Variants in FARSB observed in about 807,000 individuals in gnomAD.
The protein encoded by FARSB is phenylalanine--tRNA ligase beta subunit.
Under a neutral mutation model 69.6 loss-of-function variants are expected in FARSB, and 40 were observed. The observed-to-expected ratio is 0.57, with a 90% confidence interval of 0.45 to 0.75. The LOEUF is 0.75. Among genes scored for constraint, FARSB ranks in the 30% least tolerant of loss-of-function variants. FARSB has a pLI of 0.00. For missense variants in FARSB, 632 were observed against 722.9 expected, an observed-to-expected ratio of 0.87 and a Z score of 1.44; for synonymous variants, 235 against 247.2, an observed-to-expected ratio of 0.95 and a Z score of 0.46.
chr2:222,594,761 T>C (rs1359619432), intron 16 of FARSB, among the ~76,000 whole-genome samples: 2 of 152,194 alleles, frequency 1.3e-5, no homozygotes, highest in East Asian at 3.8e-4. Flanking sequence ...CTACAAGTAC[T>C]AAAGTATCAC....
At chr2:222,582,489 G>A (rs920713754) in intron 16 of FARSB, among the ~76,000 whole-genome samples, 6 of 152,232 alleles carry the variant, frequency 3.9e-5, no homozygotes, top group Middle Eastern at 3.4e-3. Flanking sequence ...TTCTCTCTAC[G>A]TCCCTTATTT....
At chr2:222,589,390 G>C (rs1690204425) in intron 16 of FARSB, among the ~76,000 whole-genome samples, 1 of 152,064 alleles carries the variant, frequency 6.6e-6, no homozygotes, top group African/African-American at 2.4e-5. Flanking sequence ...TTAAATGTTA[G>C]ACCTAAAACC....
In FARSB at chr2:222,623,739, A is replaced by T. The variant is rs1485722987; in HGVS notation, c.1171-9T>A. ...AGCTTATTAAGAGGAAACTGAAAAAAAAAGCATCCACTTGATTTCACCGCA... is the reference window on the plus strand; with the variant it reads ...AGCTTATTAAGAGGAAACTGAAAAATAAAGCATCCACTTGATTTCACCGCA... On this transcript the variant is annotated splice_polypyrimidine_tract_variant and intron_variant, in intron 12 of 16. Coordinates refer to ENST00000281828, the MANE Select transcript of FARSB (RefSeq NM_005687.5). The T allele has an allele frequency of 6.3e-7, 1 of 1,575,946 alleles. No individual in the cohort carries two copies. The highest frequency in any genetic ancestry group is 8.7e-7 in the Non-Finnish European group (1 of 1,147,436).
chr2:222,630,112 C>G lies in FARSB; in HGVS notation c.848+1G>C, dbSNP rs777071414. On this transcript the variant is annotated splice_donor_variant, in intron 9 of 16. Coordinates refer to ENST00000281828, the MANE Select transcript of FARSB (RefSeq NM_005687.5). LOFTEE classifies it high-confidence loss of function. Reference sequence around the variant, plus strand: ...TCAATAAAGGTGCTGGATGAACTTACGTAAATTGATTCTCACAATATTCAC... The same window carrying G: ...TCAATAAAGGTGCTGGATGAACTTAGGTAAATTGATTCTCACAATATTCAC... The G allele has an allele frequency of 1.3e-6, 2 of 1,537,832 alleles. No individual in the cohort carries two copies. The highest frequency in any genetic ancestry group is 1.4e-5 in the African/African-American group (1 of 71,402).
At chr2:222,631,339 A>T (rs1230066120) in intron 8 of FARSB, among the ~76,000 whole-genome samples, 1 of 152,150 alleles carries the variant, frequency 6.6e-6, no homozygotes, top group African/African-American at 2.4e-5. Flanking sequence ...TCCCCCTAGG[A>T]GTTCTTTGAA....
At chr2:222,605,542 C>T (rs960879632) in intron 15 of FARSB, among the ~76,000 whole-genome samples, 1 of 152,088 alleles carries the variant, frequency 6.6e-6, no homozygotes, top group African/African-American at 2.4e-5. Context: ...ATATGAGCAG[C>T]AATATCTGGA....
intron 14 of FARSB, 151 bp downstream of exon 14, chr2:222,619,494 C>T (rs530845532): frequency 7.2e-6 from 4 of 553,598 alleles, no homozygotes; most frequent in Middle Eastern, 4.8e-4. Context: ...CAGCAAAGCA[C>T]GTAATAACCA....
At chr2:222,634,292 T>C in intron 6 of FARSB, 99 bp downstream of exon 6, 1 of 823,660 alleles carries the variant, frequency 1.2e-6, no homozygotes, top group Non-Finnish European at 1.8e-6. Flanking sequence ...ACTGCTATTT[T>C]TTAAAAGTAT....
At chr2:222,630,383 T>A (rs1030438254) in intron 8 of FARSB, among the ~76,000 whole-genome samples, 1 of 152,196 alleles carries the variant, frequency 6.6e-6, no homozygotes, top group African/African-American at 2.4e-5. Context: ...ACAGTTATAA[T>A]CCATGACTGA....
intron 8 of FARSB, 65 bp from the exon 9 acceptor site, chr2:222,630,239 G>T: frequency 1.2e-6 from 1 of 800,056 alleles, no homozygotes. Flanking sequence ...AGATGGAAAT[G>T]AATTAATATT....
chr2:222,639,537 G>A (rs765415121), intron 5 of FARSB, 43 bp downstream of exon 5: 29 of 899,446 alleles, frequency 3.2e-5, no homozygotes, highest in Non-Finnish European at 4.8e-5. Flanking sequence ...GGGAGACAAA[G>A]GGAAAGGGGA....
chr2:222,635,542 G>T (rs1475374055), intron 5 of FARSB, among the ~76,000 whole-genome samples: 1 of 152,186 alleles, frequency 6.6e-6, no homozygotes, highest in African/African-American at 2.4e-5. Flanking sequence ...GATAAAATAT[G>T]CATGGTTTGA....
intron 16 of FARSB, among the ~76,000 whole-genome samples, chr2:222,586,744 T>C (rs1690124797): frequency 6.6e-6 from 1 of 151,936 alleles, no homozygotes; most frequent in Non-Finnish European, 1.5e-5. Context: ...AACCAAAAGA[T>C]CAAAAGAGAC....
At position 222,628,721 on chromosome 2, in the gene FARSB, G is replaced by T. The variant is rs34167083; in HGVS notation, c.900+116C>A. ...ATCCATGTAATGCACATAGTGTAGCGCCTGGCACACGGGTGGGTAGGTAGG... is the reference window on the plus strand; with the variant it reads ...ATCCATGTAATGCACATAGTGTAGCTCCTGGCACACGGGTGGGTAGGTAGG... On this transcript the variant is annotated intron_variant, in intron 10 of 16. Transcript: ENST00000281828. 1.7e-5 allele frequency: 12 copies of T among 696,644 alleles called. No individual in the cohort carries two copies. In the East Asian group the frequency reaches 3.1e-4, roughly 18 times the overall value. The allele number at this position is 696,644 out of a possible 1,614,324, so 43.2% of individuals were successfully genotyped here.
chr2:222,574,291 T>C (rs1689784050), intron 16 of FARSB, among the ~76,000 whole-genome samples: 1 of 152,204 alleles, frequency 6.6e-6, no homozygotes, highest in Admixed American at 6.5e-5. Flanking sequence ...AATATTTGTG[T>C]CACTAAGTAT....
chr2:222,591,801 T>C (rs1449078286), intron 16 of FARSB, among the ~76,000 whole-genome samples: 1 of 152,088 alleles, frequency 6.6e-6, no homozygotes, highest in Non-Finnish European at 1.5e-5. Flanking sequence ...CAAATGCAAA[T>C]GCAAACTGGA....
At chr2:222,653,982 T>C (rs1001656753) in intron 1 of FARSB, among the ~76,000 whole-genome samples, 2 of 151,778 alleles carry the variant, frequency 1.3e-5, no homozygotes, top group African/African-American at 2.4e-5. Flanking sequence ...AATTGATCAC[T>C]GACAATATGA....
chr2:222,649,550 A>G (rs1183780494), intron 1 of FARSB, among the ~76,000 whole-genome samples: 1 of 152,234 alleles, frequency 6.6e-6, no homozygotes, highest in East Asian at 1.9e-4. Context: ...TATCCCACTT[A>G]TTAGATCTGA....
intron 16 of FARSB, among the ~76,000 whole-genome samples, chr2:222,574,796 A>G (rs548755385): frequency 2.0e-5 from 3 of 152,374 alleles, no homozygotes; most frequent in Non-Finnish European, 4.4e-5. Context: ...TCCTCTTTTC[A>G]GCAAGGTTAA....
Sources: gnomAD v4.1 joint callset for allele counts (sites outside exome capture counted in the v4.1 genomes callset) on GRCh38, gnomAD v4.1.1 for gene constraint, MANE v1.5 for transcripts, NCBI Gene and HGNC (gene_info 2026-07-23, HGNC 2026-07-21) for gene names.